The following XAGE5 variants were observed in gnomAD, a reference collection of about 807,000 sequenced individuals.
XAGE5 encodes G antigen, family D, 5.
XAGE5 carries 13 observed loss-of-function variants against 13.1 expected under a neutral mutation model. That is an observed-to-expected ratio of 0.99 (90% CI 0.64 to 1.57). The LOEUF is 1.57. XAGE5 is among the 40% of genes most tolerant of loss of function. The probability of loss-of-function intolerance (pLI) is 0.00; values close to 1 mark genes in which losing one functional copy is unlikely to be tolerated. For missense variants in XAGE5, 86 were observed against 77.6 expected, an observed-to-expected ratio of 1.11 and a Z score of -0.41; for synonymous variants, 17 against 25.0, an observed-to-expected ratio of 0.68 and a Z score of 0.96.
At chrX:52,812,839 A>G (rs1215184760) in intron 3 of XAGE5, among the ~76,000 whole-genome samples, 2 of 111,636 alleles carry the variant, frequency 1.8e-5, no homozygotes, top group African/African-American at 6.5e-5. Context: ...CCTCGATTTC[A>G]CTGGTGATTT....
intron 5 of XAGE5, among the ~76,000 whole-genome samples, chrX:52,817,097 A>G (rs1215346488): frequency 1.8e-5 from 2 of 112,215 alleles, no homozygotes; most frequent in African/African-American, 6.5e-5. Context: ...TGGAATATGA[A>G]CAAGACCCAG....
chrX:52,815,542 T>G (rs1926890620), intron 5 of XAGE5, among the ~76,000 whole-genome samples: 1 of 112,809 alleles, frequency 8.9e-6, no homozygotes, highest in African/African-American at 3.2e-5. Flanking sequence ...TAATACCTCT[T>G]TGTGTGAAAT....
chrX:52,812,010 A>G lies in XAGE5; in HGVS notation c.-9+291A>G, dbSNP rs782120403. Among the ~76,000 whole-genome samples the G allele has an allele frequency of 1.6e-4, 18 of 111,481 alleles. No homozygotes were observed. In the South Asian group the frequency reaches 6.0e-3, roughly 37 times the overall value. Reference sequence around the variant, plus strand: ...TAAATGTCTCACGATGGAGAGTCCAATTGCGAAACCAAACCTCATTGGAAA... The same window carrying G: ...TAAATGTCTCACGATGGAGAGTCCAGTTGCGAAACCAAACCTCATTGGAAA... On this transcript the variant is annotated intron_variant, in intron 2 of 5. Coordinates refer to ENST00000375501, the MANE Select transcript of XAGE5 (RefSeq NM_001386970.1).
intron 4 of XAGE5, among the ~76,000 whole-genome samples, chrX:52,813,990 G>A (rs1371499427): frequency 9.0e-6 from 1 of 111,279 alleles, no homozygotes; most frequent in East Asian, 2.8e-4. Flanking sequence ...GTGACACAGC[G>A]AGACTCCATC....
intron 5 of XAGE5, among the ~76,000 whole-genome samples, chrX:52,816,805 G>T (rs1926913553): frequency 8.9e-6 from 1 of 111,859 alleles, no homozygotes; most frequent in Non-Finnish European, 1.9e-5. Flanking sequence ...AGCCTCAGTT[G>T]TATTCTTAGG....
At chrX:52,814,004 A>G (rs1437347872) in intron 4 of XAGE5, among the ~76,000 whole-genome samples, 1 of 111,639 alleles carries the variant, frequency 9.0e-6, no homozygotes, top group East Asian at 2.8e-4. Flanking sequence ...CTCCATCTCA[A>G]AAAATGAAAA....
intron 1 of XAGE5, among the ~76,000 whole-genome samples, 34 bp downstream of exon 1, chrX:52,811,446 C>T (rs781855265): frequency 1.8e-5 from 2 of 111,533 alleles, no homozygotes; most frequent in African/African-American, 6.5e-5. Flanking sequence ...AGCGGGCTTC[C>T]GGAGGGTCGG....
intron 4 of XAGE5, chrX:52,814,301 G>A: frequency 6.2e-6 from 2 of 323,912 alleles, no homozygotes; most frequent in Non-Finnish European, 1.2e-5. Flanking sequence ...ATTTTTGACA[G>A]CATGTTTCGT....
intron 2 of XAGE5, among the ~76,000 whole-genome samples, chrX:52,811,997 G>C (rs1308389648): frequency 9.0e-6 from 1 of 111,320 alleles, no homozygotes; most frequent in African/African-American, 3.3e-5. Context: ...AATGTCTCAC[G>C]ATGGAGAGTC....
intron 5 of XAGE5, among the ~76,000 whole-genome samples, chrX:52,815,990 C>T (rs1926899501): frequency 8.9e-6 from 1 of 111,751 alleles, no homozygotes; most frequent in Admixed American, 9.5e-5. Flanking sequence ...CTCGCTCTGC[C>T]GCCCAGGATG....
intron 4 of XAGE5, among the ~76,000 whole-genome samples, chrX:52,814,002 C>CA (rs1556777740): frequency 9.0e-6 from 1 of 110,800 alleles, no homozygotes; most frequent in Non-Finnish European, 1.9e-5. Context: ...GACTCCATCT[C>CA]AAAAAATGAA....
intron 4 of XAGE5, chrX:52,814,358 T>C (rs1341199682): frequency 8.6e-6 from 2 of 232,218 alleles, no homozygotes; most frequent in Non-Finnish European, 8.4e-6. Context: ...ACTGTGTTAA[T>C]AGGATATGGA....
chrX:52,817,813 G>A (rs1411352427), intron 5 of XAGE5, among the ~76,000 whole-genome samples: 4 of 110,799 alleles, frequency 3.6e-5, no homozygotes, highest in African/African-American at 6.5e-5. Flanking sequence ...TTTTTTTTCA[G>A]AAATTCCTTC....
intron 5 of XAGE5, among the ~76,000 whole-genome samples, chrX:52,816,835 C>T (rs1280249349): frequency 2.7e-5 from 3 of 111,543 alleles, no homozygotes; most frequent in African/African-American, 9.8e-5. Context: ...GCGTTAAATG[C>T]ATATCTTATT....
In XAGE5 at chrX:52,815,132, A is replaced by T; in HGVS notation, c.219A>T (p.Ser73=). 8.3e-7 allele frequency: 1 copy of T among 1,211,334 alleles called. No homozygotes were observed. Among genetic ancestry groups the T allele is most frequent in the East Asian group, 3.0e-5 (1 of 33,864 alleles). Residue 73 remains serine, a synonymous_variant, in exon 5 of 6, where the codon TCA becomes TCT. Coordinates refer to ENST00000375501, the MANE Select transcript of XAGE5 (RefSeq NM_001386970.1). ...LEADLQELSQ[S]KTGDECGDSP... is the part of the protein sequence containing the mutation. ...CTGATCTCCAGGAGCTGTCTCAGTC[A>T]AAGACTGGGGATGAATGCGGAGATA...
intron 5 of XAGE5, among the ~76,000 whole-genome samples, chrX:52,817,825 G>C (rs782477573): frequency 9.0e-6 from 1 of 111,159 alleles, no homozygotes; most frequent in African/African-American, 3.3e-5. Flanking sequence ...AATTCCTTCT[G>C]TTTCTTAGGT....
At position 52,811,571 on chromosome X, in the gene XAGE5, G is replaced by A. The variant is rs1039250910; in HGVS notation, c.-157G>A. ...AGGGGTCAGGACGAAGGAAGAAGGA[G>A]GGCTTCGGAGTGCGACGGGGGTTAG... On this transcript the variant is annotated 5_prime_UTR_variant, in exon 2 of 6. Coordinates refer to ENST00000375501, the MANE Select transcript of XAGE5 (RefSeq NM_001386970.1). Among the ~76,000 whole-genome samples the A allele has an allele frequency of 9.0e-6, 1 of 111,197 alleles. No individual in the cohort carries two copies. Among genetic ancestry groups the A allele is most frequent in the Non-Finnish European group, 1.9e-5 (1 of 53,014 alleles).
rs1432014077 is a variant in XAGE5, at chrX:52,816,435, A to C, written c.304+1218A>C. Among the ~76,000 whole-genome samples the C allele has an allele frequency of 2.7e-5, 3 of 112,346 alleles. No individual in the cohort carries two copies. In the East Asian group the frequency reaches 8.3e-4, roughly 31 times the overall value. ...TGGTTGGAAGATGCCTGCGCTAAGC[A>C]TGCTCCCTACCCTTCTGTCAATCGT... On this transcript the variant is annotated intron_variant, in intron 5 of 5. Coordinates refer to ENST00000375501, the MANE Select transcript of XAGE5 (RefSeq NM_001386970.1).
intron 4 of XAGE5, among the ~76,000 whole-genome samples, chrX:52,813,838 A>C (rs1556777706): frequency 9.0e-6 from 1 of 111,269 alleles, no homozygotes; most frequent in East Asian, 2.8e-4. Flanking sequence ...TCCTGTCTCT[A>C]CTAAAAATAT....
Sources: gnomAD v4.1 joint callset for allele counts (sites outside exome capture counted in the v4.1 genomes callset) on GRCh38, gnomAD v4.1.1 for gene constraint, MANE v1.5 for transcripts, NCBI Gene and HGNC (gene_info 2026-07-23, HGNC 2026-07-21) for gene names.